Variants in NRXN3 observed in about 807,000 individuals in gnomAD.
The protein encoded by NRXN3 is neurexin 3, also known as neurexin III.
Under a neutral mutation model 137.6 loss-of-function variants are expected in NRXN3, and 32 were observed. The ratio of observed to expected loss-of-function variants is 0.23; its 90% CI spans 0.18 to 0.31. The LOEUF (loss-of-function observed/expected upper bound fraction) is 0.31. Ranked by LOEUF, NRXN3 falls within the 10% of genes least tolerant of loss-of-function variation. The probability of loss-of-function intolerance (pLI) is 1.00; values close to 1 mark genes in which losing one functional copy is unlikely to be tolerated. For synonymous variants in NRXN3, 798 were observed against 784.5 expected (o/e 1.02, Z -0.29); for missense variants, 1,574 against 2,062.5 (o/e 0.76, Z 4.59).
intron 16 of NRXN3, among the ~76,000 whole-genome samples, chr14:79,623,849 GT>G (rs571687023): frequency 0.012 from 1,139 of 97,990 alleles, 4 homozygotes; most frequent in Non-Finnish European, 0.013. Flanking sequence ...CTTAGCTCCT[GT>G]TTTTTTTTTT....
At position 78,247,745 on chromosome 14, in the gene NRXN3, GGTCCCCTCAC is replaced by G. The variant is rs993822618; in HGVS notation, c.709+3945_709+3954del. On this transcript the variant is annotated intron_variant, in intron 2 of 20. Coordinates refer to ENST00000335750, the MANE Select transcript of NRXN3 (RefSeq NM_001330195.2). ...GGTATCCTCACTCCCTCCAGAGAGC[GGTCCCCTCAC>G]GGCTCATTGAGAGTTTGTCAGCACC... Among the ~76,000 whole-genome samples, 4 of 152,140 alleles carry G rather than the reference GGTCCCCTCAC, an allele frequency of 2.6e-5. No individual in the cohort carries two copies. In the East Asian group the frequency reaches 7.7e-4, roughly 29 times the overall value.
chr14:78,775,182 A>G (rs1313730199), intron 8 of NRXN3, among the ~76,000 whole-genome samples: 1 of 152,234 alleles, frequency 6.6e-6, no homozygotes, highest in Non-Finnish European at 1.5e-5. Context: ...TCTGTTGAGA[A>G]ATGCACAGAA....
chr14:79,026,309 T>C (rs1310980987), intron 15 of NRXN3, among the ~76,000 whole-genome samples: 1 of 152,174 alleles, frequency 6.6e-6, no homozygotes, highest in Non-Finnish European at 1.5e-5. Context: ...TCTTGTAGTC[T>C]TGAGTAAGTG....
Position 79,057,935 on chromosome 14 carries a change from G to A in NRXN3, c.3262+69794G>A, listed in dbSNP as rs558505535. ...AATTTATAATATATTAAGACTAGGA[G>A]TGATAATTGATGAAGCAAGGTACGG... On this transcript the variant is annotated intron_variant, in intron 15 of 20. Coordinates refer to ENST00000335750, the MANE Select transcript of NRXN3 (RefSeq NM_001330195.2). 5.3e-5 allele frequency among the ~76,000 whole-genome samples: 8 copies of A among 152,240 alleles called. No homozygotes were observed. In the East Asian group the frequency reaches 1.5e-3, roughly 29 times the overall value.
At chr14:79,305,645 A>G (rs779709257) in intron 15 of NRXN3, among the ~76,000 whole-genome samples, 9 of 152,084 alleles carry the variant, frequency 5.9e-5, no homozygotes, top group Non-Finnish European at 1.3e-4. Context: ...TCTGGCCTCA[A>G]AACTCTTCCT....
At chr14:79,847,122 A>G (rs1158012748) in intron 20 of NRXN3, among the ~76,000 whole-genome samples, 5 of 152,238 alleles carry the variant, frequency 3.3e-5, no homozygotes, top group African/African-American at 1.2e-4. Flanking sequence ...CCAGACAATT[A>G]CAACTGAGGC....
chr14:78,900,195 A>G (rs985478374), intron 10 of NRXN3, among the ~76,000 whole-genome samples: 4 of 151,492 alleles, frequency 2.6e-5, no homozygotes, highest in Admixed American at 6.6e-5. Context: ...CACCCCAAAC[A>G]GTGGGTTCTA....
intron 19 of NRXN3, among the ~76,000 whole-genome samples, chr14:79,777,170 G>A (rs1452845834): frequency 6.6e-6 from 1 of 152,108 alleles, no homozygotes; most frequent in Non-Finnish European, 1.5e-5. Flanking sequence ...AGCCTCTTAT[G>A]AACTCTAACC....
At chr14:79,126,818 A>G (rs1328535282) in intron 15 of NRXN3, among the ~76,000 whole-genome samples, 1 of 152,058 alleles carries the variant, frequency 6.6e-6, no homozygotes, top group Non-Finnish European at 1.5e-5. Context: ...CTATTTCTCC[A>G]CATCCTCTCC....
chr14:79,382,553 CTTCA>C (rs984155882), intron 15 of NRXN3, among the ~76,000 whole-genome samples: 1 of 152,118 alleles, frequency 6.6e-6, no homozygotes, highest in Non-Finnish European at 1.5e-5. Flanking sequence ...GGGGCCCCTT[CTTCA>C]TTCTTGCTTA....
chr14:79,277,311 G>A (rs2080439818), intron 15 of NRXN3, among the ~76,000 whole-genome samples: 1 of 152,160 alleles, frequency 6.6e-6, no homozygotes, highest in Non-Finnish European at 1.5e-5. Flanking sequence ...GGCAGGAGAT[G>A]GAGCTGAAGC....
At chr14:79,606,668 A>T (rs920077593) in intron 16 of NRXN3, among the ~76,000 whole-genome samples, 6 of 152,340 alleles carry the variant, frequency 3.9e-5, no homozygotes, top group Admixed American at 3.3e-4. Flanking sequence ...AATTTTAATA[A>T]ATGGGTTGTG....
intron 10 of NRXN3, among the ~76,000 whole-genome samples, chr14:78,934,588 G>T (rs1394469890): frequency 6.6e-6 from 1 of 152,130 alleles, no homozygotes; most frequent in Non-Finnish European, 1.5e-5. Flanking sequence ...GTAGCAACAG[G>T]TCTCCCTGTT....
chr14:79,078,948 G>GA (rs984103610), intron 15 of NRXN3, among the ~76,000 whole-genome samples: 3 of 152,074 alleles, frequency 2.0e-5, no homozygotes, highest in African/African-American at 4.8e-5. Context: ...ATGAAAGAGA[G>GA]AACCTAACTC....
chr14:79,720,591 C>G (rs1444643131), intron 19 of NRXN3, among the ~76,000 whole-genome samples: 1 of 152,094 alleles, frequency 6.6e-6, no homozygotes, highest in African/African-American at 2.4e-5. Context: ...CCATTCTGTG[C>G]TGCTATGCAA....
At chr14:79,729,961 T>C (rs1417825819) in intron 19 of NRXN3, among the ~76,000 whole-genome samples, 1 of 152,076 alleles carries the variant, frequency 6.6e-6, no homozygotes, top group South Asian at 2.1e-4. Context: ...ATTATTAGGC[T>C]TGGAGAGTGG....
chr14:79,181,081 T>C (rs886655326), intron 15 of NRXN3, among the ~76,000 whole-genome samples: 10 of 137,608 alleles, frequency 7.3e-5, no homozygotes, highest in Non-Finnish European at 1.4e-4. Flanking sequence ...TATATATATA[T>C]ATGCACACAC....
At chr14:78,190,667 A>C (rs61975981) in intron 1 of NRXN3, among the ~76,000 whole-genome samples, 1 of 136,906 alleles carries the variant, frequency 7.3e-6, no homozygotes, top group Non-Finnish European at 1.6e-5. Context: ...TTACTTACTT[A>C]CTTAATTACT....
At chr14:78,587,901 T>C (rs1331089981) in intron 4 of NRXN3, among the ~76,000 whole-genome samples, 1 of 152,214 alleles carries the variant, frequency 6.6e-6, no homozygotes, top group African/African-American at 2.4e-5. Context: ...TTCTTCATTG[T>C]CTGGATATCA....
Sources: allele counts gnomAD v4.1 joint callset (sites outside exome capture counted in the v4.1 genomes callset), GRCh38; gene constraint gnomAD v4.1.1; transcripts MANE v1.5; gene names NCBI Gene and HGNC (gene_info 2026-07-23, HGNC 2026-07-21).